The following NR5A2 variants were observed in gnomAD, a reference collection of about 807,000 sequenced individuals.
NR5A2 encodes the protein nuclear receptor subfamily 5 group A member 2, also known as CYP7A promoter-binding factor.
In NR5A2, 26 loss-of-function variants were observed where a neutral mutation model predicts 62.7. The ratio of observed to expected loss-of-function variants is 0.41; its 90% CI spans 0.30 to 0.58. NR5A2 has a LOEUF of 0.58. Among genes scored for constraint, NR5A2 ranks in the 20% least tolerant of loss-of-function variants. The pLI is 0.22. For missense variants in NR5A2, 541 were observed against 669.1 expected, an observed-to-expected ratio of 0.81 and a Z score of 2.11; for synonymous variants, 246 against 241.7, an observed-to-expected ratio of 1.02 and a Z score of -0.16.
intron 5 of NR5A2, among the ~76,000 whole-genome samples, chr1:200,103,998 G>T (rs867550432): frequency 6.6e-6 from 1 of 152,174 alleles, no homozygotes; most frequent in Non-Finnish European, 1.5e-5. Flanking sequence ...ACTGGGGTTT[G>T]GTGGGAATAG....
chr1:200,074,346 G>T (rs1663900124), intron 5 of NR5A2, among the ~76,000 whole-genome samples: 1 of 151,330 alleles, frequency 6.6e-6, no homozygotes, highest in African/African-American at 2.4e-5. Context: ...ACTTTGGGAG[G>T]CTGAGGTGGG....
At chr1:200,117,533 T>C (rs1666280123) in intron 6 of NR5A2, among the ~76,000 whole-genome samples, 2 of 152,228 alleles carry the variant, frequency 1.3e-5, no homozygotes, top group Admixed American at 1.3e-4. Flanking sequence ...CTTTCCGTTA[T>C]AGTGTACTAC....
chr1:200,087,658 G>T (rs999660304), intron 5 of NR5A2, among the ~76,000 whole-genome samples: 1 of 152,104 alleles, frequency 6.6e-6, no homozygotes, highest in Non-Finnish European at 1.5e-5. Context: ...GCCTCTCAAA[G>T]TGCTGGGATT....
At chr1:200,045,922 G>A (rs1290027907) in intron 4 of NR5A2, among the ~76,000 whole-genome samples, 3 of 152,096 alleles carry the variant, frequency 2.0e-5, no homozygotes, top group South Asian at 2.1e-4. Flanking sequence ...AGAATAATTT[G>A]TAAAACTATT....
intron 5 of NR5A2, among the ~76,000 whole-genome samples, chr1:200,095,784 C>A (rs187408899): frequency 2.5e-4 from 38 of 151,980 alleles, no homozygotes; most frequent in Non-Finnish European, 7.4e-5. Flanking sequence ...GATCTCCTGA[C>A]CTTGTGATCT....
At chr1:200,031,736 G>A (rs975126481) in intron 1 of NR5A2, among the ~76,000 whole-genome samples, 11 of 151,694 alleles carry the variant, frequency 7.3e-5, no homozygotes, top group Non-Finnish European at 1.6e-4. Context: ...ACGCCACCAC[G>A]CCTGGCTAAT....
At chr1:200,170,959 G>A (rs1171255633) in intron 7 of NR5A2, among the ~76,000 whole-genome samples, 2 of 152,216 alleles carry the variant, frequency 1.3e-5, no homozygotes, top group Non-Finnish European at 2.9e-5. Context: ...TTGGACAAAT[G>A]CACCAATAAT....
chr1:200,119,425 T>G (rs780852453), intron 6 of NR5A2, among the ~76,000 whole-genome samples: 7 of 152,128 alleles, frequency 4.6e-5, no homozygotes, highest in Admixed American at 6.5e-5. Context: ...CTGCAAATAT[T>G]AAATGCACCT....
rs572702348 is a variant in NR5A2 at position 200,052,931 on chromosome 1, C to T, written c.1110+4113C>T. Among the ~76,000 whole-genome samples, 99 of 152,314 alleles carry T rather than the reference C, an allele frequency of 6.5e-4. No individual in the cohort carries two copies. In the South Asian group the frequency reaches 0.016, roughly 25 times the overall value. ...CTGGGATTATAGGCATGAGCCACCG[C>T]ACCCGGCCTACCTCTTGCTCACTCT... On this transcript the variant is annotated intron_variant, in intron 5 of 7. Coordinates refer to ENST00000367362, the MANE Select transcript of NR5A2 (RefSeq NM_205860.3).
chr1:200,173,216 T>C (rs539935126), intron 7 of NR5A2, among the ~76,000 whole-genome samples: 1 of 152,188 alleles, frequency 6.6e-6, no homozygotes, highest in Non-Finnish European at 1.5e-5. Flanking sequence ...GCTCATCTTC[T>C]CTACATGAGT....
chr1:200,107,076 C>T (rs749417152), intron 5 of NR5A2, among the ~76,000 whole-genome samples: 2 of 152,154 alleles, frequency 1.3e-5, no homozygotes, highest in Non-Finnish European at 2.9e-5. Flanking sequence ...AAGTCTTTAC[C>T]AAGGGCCAGC....
chr1:200,038,746 T>A, intron 1 of NR5A2: 2 of 1,365,718 alleles, frequency 1.5e-6, no homozygotes, highest in Non-Finnish European at 2.0e-6. Flanking sequence ...GCCGCCACGC[T>A]CAGACAGAGG....
intron 7 of NR5A2, among the ~76,000 whole-genome samples, chr1:200,132,263 G>A (rs2102330067): frequency 6.6e-6 from 1 of 152,228 alleles, no homozygotes; most frequent in South Asian, 2.1e-4. Flanking sequence ...GCCCACCTTG[G>A]CCTCCCAAAG....
At chr1:200,170,616 C>T (rs1001544446) in intron 7 of NR5A2, among the ~76,000 whole-genome samples, 1 of 152,196 alleles carries the variant, frequency 6.6e-6, no homozygotes, top group Non-Finnish European at 1.5e-5. Flanking sequence ...AATCCAGGGT[C>T]TACCTGTCTG....
At chr1:200,158,044 TG>T (rs1342776953) in intron 7 of NR5A2, among the ~76,000 whole-genome samples, 10 of 152,228 alleles carry the variant, frequency 6.6e-5, no homozygotes, top group Non-Finnish European at 1.5e-4. Flanking sequence ...CTGATTGTGA[TG>T]TATTACTTTT....
chr1:200,043,746 T>G, intron 2 of NR5A2, 28 bp from the exon 3 acceptor site: 1 of 1,398,128 alleles, frequency 7.2e-7, no homozygotes, highest in Non-Finnish European at 1.0e-6. Context: ...TAATTGAATA[T>G]GTGTATACAT....
intron 7 of NR5A2, among the ~76,000 whole-genome samples, chr1:200,126,064 T>A (rs1666688072): frequency 6.6e-6 from 1 of 152,028 alleles, no homozygotes; most frequent in Non-Finnish European, 1.5e-5. Flanking sequence ...CCCAGGCTGG[T>A]CTCAAACTCC....
chr1:200,065,368 T>C (rs956336135), intron 5 of NR5A2, among the ~76,000 whole-genome samples: 4 of 151,958 alleles, frequency 2.6e-5, no homozygotes, highest in Non-Finnish European at 5.9e-5. Context: ...GGTCTCTAAC[T>C]CCTGACCTCA....
intron 5 of NR5A2, among the ~76,000 whole-genome samples, chr1:200,084,110 T>C (rs1664421469): frequency 6.6e-6 from 1 of 152,044 alleles, no homozygotes; most frequent in South Asian, 2.1e-4. Flanking sequence ...GGTAACATTA[T>C]AGGACTTAGA....
Sources: gnomAD v4.1 joint callset for allele counts (sites outside exome capture counted in the v4.1 genomes callset) on GRCh38, gnomAD v4.1.1 for gene constraint, MANE v1.5 for transcripts, NCBI Gene and HGNC (gene_info 2026-07-23, HGNC 2026-07-21) for gene names.